The following PDLIM3 variants were observed in gnomAD, a reference collection of about 807,000 sequenced individuals.
The protein encoded by PDLIM3 is PDZ and LIM domain protein 3.
In PDLIM3, 36 loss-of-function variants were observed where a neutral mutation model predicts 37.3. The ratio of observed to expected loss-of-function variants is 0.97; its 90% confidence interval spans 0.74 to 1.28. The LOEUF (loss-of-function observed/expected upper bound fraction) is 1.28. PDLIM3 is among the 50% of genes most tolerant of loss of function. The probability of loss-of-function intolerance (pLI) is 0.00; values close to 1 mark genes in which losing one functional copy is unlikely to be tolerated. For synonymous variants in PDLIM3, 174 were observed against 182.4 expected (o/e 0.95, Z 0.37); for missense variants, 454 against 485.0 (o/e 0.94, Z 0.60).
chr4:185,505,184 T>C (rs112923654), intron 6 of PDLIM3, among the ~76,000 whole-genome samples: 2,965 of 152,338 alleles, frequency 0.019, 99 homozygotes, highest in African/African-American at 0.067. Flanking sequence ...GCAAAGTTCA[T>C]TCATGGTGCG....
intron 1 of PDLIM3, among the ~76,000 whole-genome samples, chr4:185,527,471 T>C (rs1284155943): frequency 1.3e-5 from 2 of 152,260 alleles, no homozygotes; most frequent in South Asian, 2.1e-4. Flanking sequence ...TTTATTTCTA[T>C]GATCACCTCA....
intron 5 of PDLIM3, 65 bp from the exon 6 acceptor site, chr4:185,506,717 AG>A: frequency 6.6e-7 from 1 of 1,514,474 alleles, no homozygotes; most frequent in Non-Finnish European, 9.1e-7. Context: ...GCAAGAGGCC[AG>A]AGACATCAAT....
chr4:185,507,290 T>C (rs1434874811), intron 5 of PDLIM3, among the ~76,000 whole-genome samples: 1 of 152,214 alleles, frequency 6.6e-6, no homozygotes, highest in Non-Finnish European at 1.5e-5. Context: ...CTTTTAAAAA[T>C]AGCCATGTTA....
rs1476397366 is a variant in PDLIM3, at chr4:185,508,321, G to A, written c.640C>T (p.Leu214=). 1 of 1,614,108 alleles carries A rather than the reference G, an allele frequency of 6.2e-7. No homozygotes were observed. The highest frequency in any genetic ancestry group is 8.5e-7 in the Non-Finnish European group (1 of 1,179,992). ...TACCTCATCAAAGGTGTTTCCCCTA[G>A]GGCTGTTGAAACCTGACCCTGGAGT... ...ETLQGQVSTA[L]GETPLMSEPT... The change falls in exon 5 of 8, where the codon CTA becomes TTA. Residue 214 remains leucine (L), a synonymous_variant. Coordinates refer to ENST00000284767, the MANE Select transcript of PDLIM3 (RefSeq NM_014476.6).
At chr4:185,520,340 AG>A (rs1212365163) in intron 3 of PDLIM3, among the ~76,000 whole-genome samples, 1 of 152,164 alleles carries the variant, frequency 6.6e-6, no homozygotes, top group Admixed American at 6.5e-5. Flanking sequence ...CCTCTTGGAG[AG>A]GATGTCAGTA....
At chr4:185,520,420 A>C (rs2095722029) in intron 3 of PDLIM3, among the ~76,000 whole-genome samples, 1 of 134,700 alleles carries the variant, frequency 7.4e-6, no homozygotes, top group Non-Finnish European at 1.7e-5. Flanking sequence ...ATAGCCCTTA[A>C]CCTAATCTCA....
intron 1 of PDLIM3, among the ~76,000 whole-genome samples, chr4:185,528,416 T>C (rs138455448): frequency 7.8e-4 from 119 of 152,382 alleles, no homozygotes; most frequent in African/African-American, 2.7e-3. Flanking sequence ...ATATCTTAGA[T>C]ACTGAATATT....
chr4:185,506,693 G>A (rs2095698127), intron 5 of PDLIM3, 41 bp from the exon 6 acceptor site: 1 of 1,595,200 alleles, frequency 6.3e-7, no homozygotes. Flanking sequence ...CAGGTGCTGG[G>A]AGGCACCAGA....
At chr4:185,532,606 G>A (rs1164578099) in intron 1 of PDLIM3, among the ~76,000 whole-genome samples, 1 of 152,170 alleles carries the variant, frequency 6.6e-6, no homozygotes, top group Non-Finnish European at 1.5e-5. Context: ...GGAACAAGGG[G>A]AGGAAAGGGA....
At chr4:185,534,011 C>G (rs2095749158) in intron 1 of PDLIM3, among the ~76,000 whole-genome samples, 1 of 152,144 alleles carries the variant, frequency 6.6e-6, no homozygotes, top group South Asian at 2.1e-4. Context: ...ATAGGAATTG[C>G]TTGGCCCAGG....
chr4:185,504,167 G>A lies in PDLIM3; in HGVS notation c.905+308C>T, dbSNP rs2095692455. ...TAAACACTATACGTTAACAGGGGTGGGGGAGTTTAAAGTGAAGTCTTGATT... is the reference window on the plus strand; with the variant it reads ...TAAACACTATACGTTAACAGGGGTGAGGGAGTTTAAAGTGAAGTCTTGATT... On this transcript the variant is annotated intron_variant, in intron 7 of 7. Transcript: ENST00000284767. This position sits in a 1 kb window ranked among gnomAD's most constrained non-coding sequence, Gnocchi z 4.7. Among the ~76,000 whole-genome samples the A allele has an allele frequency of 6.6e-6, 1 of 152,002 alleles. No individual in the cohort carries two copies. Among genetic ancestry groups the A allele is most frequent in the East Asian group, 1.9e-4 (1 of 5,198 alleles).
rs2095701110 is a variant in PDLIM3 at position 185,508,295 on chromosome 4, T to G, written c.662+4A>C. 6.2e-7 allele frequency: 1 copy of G among 1,613,986 alleles called. No individual in the cohort carries two copies. Among genetic ancestry groups the G allele is most frequent in the Non-Finnish European group, 8.5e-7 (1 of 1,179,826 alleles). ...TGCCCATGGTTCAAAGAGACTCATA[T>G]TACCTCATCAAAGGTGTTTCCCCTA... is the stretch of plus-strand genomic sequence containing the variant. On this transcript the variant is annotated splice_donor_region_variant and intron_variant, in intron 5 of 7. Transcript: ENST00000284767.
intron 3 of PDLIM3, among the ~76,000 whole-genome samples, chr4:185,518,192 G>C (rs572953235): frequency 2.0e-4 from 30 of 152,148 alleles, no homozygotes; most frequent in Middle Eastern, 6.8e-3. Flanking sequence ...TGAATTAATG[G>C]AATGCTAGAG....
At chr4:185,509,840 T>C (rs2095703845) in intron 4 of PDLIM3, among the ~76,000 whole-genome samples, 1 of 152,182 alleles carries the variant, frequency 6.6e-6, no homozygotes, top group Non-Finnish European at 1.5e-5. Flanking sequence ...CCAAAAGGTA[T>C]TGAGCAGTAA....
chr4:185,505,546 G>A lies in PDLIM3; in HGVS notation c.794-960C>T, dbSNP rs370452809. ...TGAGGCAGAAGAATCACTTGAACCC[G>A]GGAGGCAGAGGTTGCAGTGAGCCAA... On this transcript the variant is annotated intron_variant, in intron 6 of 7. Transcript: ENST00000284767. Among the ~76,000 whole-genome samples, 93 of 152,100 alleles carry A rather than the reference G, an allele frequency of 6.1e-4. 1 individual carries two copies. The East Asian group carries it at 0.015, about 24-fold the overall frequency.
chr4:185,527,009 C>T (rs953432145), intron 1 of PDLIM3, among the ~76,000 whole-genome samples: 1 of 152,140 alleles, frequency 6.6e-6, no homozygotes, highest in African/African-American at 2.4e-5. Context: ...TGTCTGTCTT[C>T]CCAACTAGAC....
Position 185,503,766 on chromosome 4 carries a change from G to A in PDLIM3, c.905+709C>T, listed in dbSNP as rs535075713. ...AGTTTGAGACCTGCCTGGCCAACAC[G>A]GTGAAACCCCCTCTCTACCAAAAAT... On this transcript the variant is annotated intron_variant, in intron 7 of 7. Transcript: ENST00000284767. 5.9e-5 allele frequency among the ~76,000 whole-genome samples: 9 copies of A among 152,260 alleles called. No homozygotes were observed. The East Asian group carries it at 1.4e-3, about 23-fold the overall frequency.
chr4:185,535,431 G>T lies in PDLIM3; in HGVS notation c.4C>A (p.Pro2Thr). M[P>T]QTVILPGPAP... ...GGGCCCGGGAGGATCACCGTCTGGG[G>T]CATGCCGCCTTCCTCCCGCCCACCG... Residue 2 changes from proline to threonine, a missense_variant, in exon 1 of 8, where the codon CCC becomes ACC. By Grantham distance (38) the Pro-to-Thr change is conservative. Transcript: ENST00000284767. 1 of 1,592,072 alleles carries T rather than the reference G, an allele frequency of 6.3e-7. No individual in the cohort carries two copies. Among genetic ancestry groups the T allele is most frequent in the Non-Finnish European group, 8.5e-7 (1 of 1,170,484 alleles).
Position 185,514,148 on chromosome 4 carries a change from TGAAA to T in PDLIM3, c.398+118_398+121del. ...AAGTGAGTTTGTTTCTTTTTGCTTT[TGAAA>T]TAAGCTTCGCAATGAGAAAAGCCAC... On this transcript the variant is annotated intron_variant, in intron 4 of 7. Coordinates refer to ENST00000284767, the MANE Select transcript of PDLIM3 (RefSeq NM_014476.6). This position sits in a 1 kb window ranked among gnomAD's most constrained non-coding sequence, Gnocchi z 4.0. 1.3e-6 allele frequency: 2 copies of T among 1,578,676 alleles called. No homozygotes were observed. The highest frequency in any genetic ancestry group is 1.3e-5 in the African/African-American group (1 of 74,172).
Sources: gnomAD v4.1 joint callset for allele counts (sites outside exome capture counted in the v4.1 genomes callset) on GRCh38, gnomAD v4.1.1 for gene constraint, Gnocchi (gnomAD v3.1) non-coding constraint, MANE v1.5 for transcripts, NCBI Gene and HGNC (gene_info 2026-07-23, HGNC 2026-07-21) for gene names.